Variants in MAP3K21 observed in about 807,000 individuals in gnomAD.
The protein encoded by MAP3K21 is mitogen-activated protein kinase kinase kinase MLK4.
MAP3K21 carries 63 observed loss-of-function variants against 86.1 expected under a neutral mutation model. That is an observed-to-expected ratio of 0.73 (90% CI 0.60 to 0.90). The LOEUF (loss-of-function observed/expected upper bound fraction) is 0.90, where lower values mean the gene tolerates loss of function less well. MAP3K21 is among the 40% of genes least tolerant of loss of function. The pLI is 0.00. For synonymous variants in MAP3K21, 558 were observed against 564.8 expected, an observed-to-expected ratio of 0.99 and a Z score of 0.17; for missense variants, 1,220 against 1,367.7, an observed-to-expected ratio of 0.89 and a Z score of 1.70.
At chr1:233,345,339 C>G (rs899209683) in intron 1 of MAP3K21, among the ~76,000 whole-genome samples, 1 of 152,240 alleles carries the variant, frequency 6.6e-6, no homozygotes, top group South Asian at 2.1e-4. Flanking sequence ...ACCCAAATGT[C>G]CATCAATGAT....
chr1:233,366,572 C>T (rs1168110533), intron 5 of MAP3K21, among the ~76,000 whole-genome samples: 2 of 152,134 alleles, frequency 1.3e-5, no homozygotes, highest in Admixed American at 6.5e-5. Flanking sequence ...GATGGAACAG[C>T]GATGCTGTCC....
chr1:233,376,352 G>T (rs1221269097), intron 7 of MAP3K21, 78 bp from the exon 8 acceptor site: 2 of 1,019,270 alleles, frequency 2.0e-6, no homozygotes, highest in East Asian at 2.5e-5. Context: ...TAAAAATATT[G>T]TTGGTCTGTA....
At chr1:233,339,255 CTTCTTCTTCTTCCTCTTCT>C (rs1662975190) in intron 1 of MAP3K21, among the ~76,000 whole-genome samples, 1 of 63,356 alleles carries the variant, frequency 1.6e-5, no homozygotes, top group Non-Finnish European at 3.1e-5. Context: ...TCTTCTTCTT[CTTCTTCTTCTTCCTCTTCT>C]TCTTCTTCTT....
chr1:233,361,689 A>G (rs1213653337), intron 4 of MAP3K21, among the ~76,000 whole-genome samples: 1 of 152,240 alleles, frequency 6.6e-6, no homozygotes, highest in East Asian at 1.9e-4. Context: ...GTGTTAATGC[A>G]TATTTTATGT....
intron 5 of MAP3K21, among the ~76,000 whole-genome samples, chr1:233,367,859 C>CAAAAA (rs5781742): frequency 8.2e-6 from 1 of 122,020 alleles, no homozygotes; most frequent in Non-Finnish European, 1.7e-5. Flanking sequence ...GACTCCGTCT[C>CAAAAA]AAAAAAAAAA....
chr1:233,344,994 C>G (rs1453705866), intron 1 of MAP3K21, among the ~76,000 whole-genome samples: 5 of 152,210 alleles, frequency 3.3e-5, no homozygotes, highest in Non-Finnish European at 7.3e-5. Flanking sequence ...CTTATCACTA[C>G]TGGTCATCAG....
At chr1:233,345,777 G>T (rs1011092774) in intron 1 of MAP3K21, among the ~76,000 whole-genome samples, 5 of 151,264 alleles carry the variant, frequency 3.3e-5, no homozygotes, top group African/African-American at 7.3e-5. Context: ...CACATTTGTT[G>T]TAGTTGCAGA....
chr1:233,369,390 C>T (rs1420675673), intron 5 of MAP3K21, among the ~76,000 whole-genome samples: 1 of 151,616 alleles, frequency 6.6e-6, no homozygotes, highest in Non-Finnish European at 1.5e-5. Flanking sequence ...ACTCCATCTC[C>T]AAAAAAAGAA....
chr1:233,358,985 G>A (rs1480633170), intron 4 of MAP3K21, among the ~76,000 whole-genome samples: 2 of 151,792 alleles, frequency 1.3e-5, no homozygotes, highest in Admixed American at 1.3e-4. Flanking sequence ...AATTTTTTTT[G>A]TATTTTTAGT....
At chr1:233,337,624 A>G (rs1051899656) in intron 1 of MAP3K21, among the ~76,000 whole-genome samples, 6 of 152,090 alleles carry the variant, frequency 3.9e-5, no homozygotes, top group Non-Finnish European at 5.9e-5. Context: ...AATTTGGCTA[A>G]CTTGGGTGAT....
intron 1 of MAP3K21, among the ~76,000 whole-genome samples, chr1:233,333,572 G>A (rs1036019901): frequency 2.7e-5 from 4 of 148,898 alleles, no homozygotes; most frequent in African/African-American, 1.0e-4. Flanking sequence ...AACATGGTGA[G>A]ACCCTGGACT....
chr1:233,379,102 C>A lies in MAP3K21; in HGVS notation c.2096C>A (p.Thr699Lys). 6.2e-7 allele frequency: 1 copy of A among 1,614,224 alleles called. No individual in the cohort carries two copies. ...GAGGCAGCCTCTGCGAATGCTGCCA[C>A]AGTCTCCATTGAGATGACTCCTACG... The part of the protein sequence containing the change: ...WEEAASANAA[T>K]VSIEMTPTNS... The change falls in exon 9 of 10, where the codon ACA (threonine) becomes AAA (lysine). Residue 699 changes from threonine to lysine, a missense_variant. Physicochemically the swap from Thr to Lys is moderately conservative, Grantham distance 78 (BLOSUM62 -1). This residue lies in a region of MAP3K21 where 632 missense variants were observed against 691.3 expected (regional missense o/e 0.91). Coordinates refer to ENST00000366624, the MANE Select transcript of MAP3K21 (RefSeq NM_032435.3).
intron 5 of MAP3K21, among the ~76,000 whole-genome samples, chr1:233,369,111 A>C (rs754691194): frequency 4.0e-5 from 6 of 151,716 alleles, no homozygotes; most frequent in Non-Finnish European, 5.9e-5. Flanking sequence ...GTCACATGAC[A>C]GTGACTAGTG....
chr1:233,381,762 A>T (rs920227970), intron 9 of MAP3K21, among the ~76,000 whole-genome samples: 1 of 152,212 alleles, frequency 6.6e-6, no homozygotes, highest in African/African-American at 2.4e-5. Flanking sequence ...TAATAACATT[A>T]TTCAGTTCTT....
intron 5 of MAP3K21, among the ~76,000 whole-genome samples, chr1:233,368,233 T>A (rs1663616375): frequency 6.6e-6 from 1 of 152,232 alleles, no homozygotes; most frequent in South Asian, 2.1e-4. Context: ...ATGACTTTAG[T>A]CTAAACTGTT....
chr1:233,366,110 T>C (rs1479992549), intron 5 of MAP3K21, among the ~76,000 whole-genome samples: 1 of 152,136 alleles, frequency 6.6e-6, no homozygotes, highest in Admixed American at 6.6e-5. Context: ...AAATACTGCA[T>C]GTTCTCACAT....
intron 5 of MAP3K21, among the ~76,000 whole-genome samples, chr1:233,364,109 G>A (rs1288896740): frequency 2.0e-5 from 3 of 152,170 alleles, no homozygotes; most frequent in African/African-American, 7.2e-5. Context: ...TTGATGGGGT[G>A]AGAATAGACT....
intron 5 of MAP3K21, among the ~76,000 whole-genome samples, chr1:233,365,058 A>C (rs1429581513): frequency 6.6e-6 from 1 of 152,026 alleles, no homozygotes; most frequent in Non-Finnish European, 1.5e-5. Context: ...TATAAAAATA[A>C]TTATTTTTTT....
intron 7 of MAP3K21, 64 bp downstream of exon 7, chr1:233,376,130 T>G: frequency 7.3e-7 from 1 of 1,374,534 alleles, no homozygotes; most frequent in Non-Finnish European, 1.0e-6. Flanking sequence ...TGTGTTAATA[T>G]CACATCAGCC....
Sources: allele counts gnomAD v4.1 joint callset (sites outside exome capture counted in the v4.1 genomes callset), GRCh38; gene constraint gnomAD v4.1.1; regional missense constraint gnomAD v4.1.1; transcripts MANE v1.5; gene names NCBI Gene and HGNC (gene_info 2026-07-23, HGNC 2026-07-21).